The following MAPK10 variants were observed in gnomAD, a reference collection of about 807,000 sequenced individuals.
MAPK10 encodes JNK3 alpha protein kinase.
In MAPK10, 25 loss-of-function variants were observed where a neutral mutation model predicts 59.3. The observed-to-expected ratio is 0.42, with a 90% CI of 0.31 to 0.59. The LOEUF is 0.59. MAPK10 is among the 20% of genes least tolerant of loss of function. The pLI is 0.15. For missense variants in MAPK10, 351 were observed against 568.9 expected (o/e 0.62, Z 3.90); for synonymous variants, 190 against 200.5 (o/e 0.95, Z 0.44).
intron 9 of MAPK10, among the ~76,000 whole-genome samples, chr4:86,087,154 T>C (rs113764841): frequency 6.6e-6 from 1 of 152,176 alleles, no homozygotes; most frequent in African/African-American, 2.4e-5. Context: ...AAATGTTAAA[T>C]TGTATTTGGT....
chr4:86,075,876 G>C (rs931003280), intron 9 of MAPK10, among the ~76,000 whole-genome samples: 131 of 152,224 alleles, frequency 8.6e-4, no homozygotes, highest in African/African-American at 2.9e-3. Context: ...CCAGAGGTGG[G>C]GCCTACAGTG....
At chr4:86,578,576 C>A (rs777509497) in intron 1 of MAPK10, among the ~76,000 whole-genome samples, 1 of 152,098 alleles carries the variant, frequency 6.6e-6, no homozygotes, top group Non-Finnish European at 1.5e-5. Context: ...CTTAAAAGAC[C>A]TGAAGCACTA....
At chr4:86,338,463 T>C (rs1347603523) in intron 2 of MAPK10, among the ~76,000 whole-genome samples, 5 of 152,214 alleles carry the variant, frequency 3.3e-5, no homozygotes, top group Admixed American at 1.3e-4. Context: ...TTTGGGCTTC[T>C]TTCTTTGGAA....
chr4:86,442,905 T>G (rs1193829761), intron 1 of MAPK10, among the ~76,000 whole-genome samples: 1 of 152,064 alleles, frequency 6.6e-6, no homozygotes, highest in Non-Finnish European at 1.5e-5. Flanking sequence ...AGCTTAGAAG[T>G]CAAAAACACC....
chr4:86,357,983 G>A (rs1056805324), intron 1 of MAPK10: 9 of 655,428 alleles, frequency 1.4e-5, no homozygotes, highest in African/African-American at 2.0e-5. Flanking sequence ...CATTGTAGGG[G>A]AGAGAAAACC....
intron 1 of MAPK10, chr4:86,593,597 C>T (rs1007519027): frequency 6.6e-6 from 1 of 152,106 alleles, no homozygotes; most frequent in Non-Finnish European, 1.5e-5. Context: ...TTATTTTAGT[C>T]TCATAGATAA....
At chr4:86,187,859 G>A (rs1205742954) in intron 3 of MAPK10, among the ~76,000 whole-genome samples, 7 of 152,096 alleles carry the variant, frequency 4.6e-5, no homozygotes, top group Non-Finnish European at 7.4e-5. Context: ...ATGGTGGTTT[G>A]CTGCACCCAT....
chr4:86,394,411 C>T (rs948886574), intron 1 of MAPK10, among the ~76,000 whole-genome samples: 1 of 152,164 alleles, frequency 6.6e-6, no homozygotes, highest in African/African-American at 2.4e-5. Flanking sequence ...GAGACTATAT[C>T]ACCAAACTAC....
chr4:86,477,218 A>G (rs1199652138), intron 1 of MAPK10, among the ~76,000 whole-genome samples: 1 of 152,188 alleles, frequency 6.6e-6, no homozygotes, highest in African/African-American at 2.4e-5. Flanking sequence ...CCTTGCCTCC[A>G]TAACTGTCGT....
At chr4:86,534,926 G>C (rs939000512) in intron 1 of MAPK10, among the ~76,000 whole-genome samples, 2 of 151,788 alleles carry the variant, frequency 1.3e-5, no homozygotes, top group Non-Finnish European at 2.9e-5. Flanking sequence ...ACAAAAACAA[G>C]AAGAAGAAAA....
chr4:86,429,233 C>T (rs1564851772), intron 1 of MAPK10, among the ~76,000 whole-genome samples: 2 of 152,008 alleles, frequency 1.3e-5, no homozygotes, highest in Non-Finnish European at 2.9e-5. Context: ...CATTTGGTAT[C>T]GGAGATTTCG....
chr4:86,078,998 C>A (rs922169897), intron 9 of MAPK10, among the ~76,000 whole-genome samples: 2 of 151,436 alleles, frequency 1.3e-5, no homozygotes, highest in East Asian at 1.9e-4. Flanking sequence ...CCCCACCCCC[C>A]CAAAAAAAGA....
At chr4:86,194,033 G>A (rs1308595175) in intron 3 of MAPK10, 8 of 319,318 alleles carry the variant, frequency 2.5e-5, no homozygotes, top group Non-Finnish European at 4.1e-5. Flanking sequence ...TCCTGGGTGA[G>A]GCGACACCCC....
chr4:86,434,240 AAG>A (rs1748415548), intron 1 of MAPK10, among the ~76,000 whole-genome samples: 1 of 152,202 alleles, frequency 6.6e-6, no homozygotes, highest in African/African-American at 2.4e-5. Context: ...GGTCTGGGCA[AAG>A]AGTTTTTGTA....
intron 1 of MAPK10, among the ~76,000 whole-genome samples, chr4:86,415,735 C>A (rs930741146): frequency 6.6e-6 from 1 of 152,028 alleles, no homozygotes; most frequent in African/African-American, 2.4e-5. Flanking sequence ...ATTCAGGAGA[C>A]CAAGAAGAGT....
intron 1 of MAPK10, among the ~76,000 whole-genome samples, chr4:86,420,505 T>G (rs986449380): frequency 4.6e-5 from 7 of 152,164 alleles, no homozygotes; most frequent in African/African-American, 1.7e-4. Flanking sequence ...ACTCAATTTT[T>G]GGCTGGGCAT....
At chr4:86,245,987 A>T (rs905135605) in intron 2 of MAPK10, among the ~76,000 whole-genome samples, 2 of 152,218 alleles carry the variant, frequency 1.3e-5, no homozygotes, top group Non-Finnish European at 2.9e-5. Context: ...AAATAGGCAA[A>T]TAATGTTTCT....
chr4:86,182,700 C>T (rs1485695918), intron 3 of MAPK10, among the ~76,000 whole-genome samples: 1 of 151,968 alleles, frequency 6.6e-6, no homozygotes, highest in South Asian at 2.1e-4. Flanking sequence ...GTGAATGAGG[C>T]ACAGAGTTAT....
intron 9 of MAPK10, among the ~76,000 whole-genome samples, chr4:86,084,722 T>A (rs760067976): frequency 2.8e-4 from 40 of 144,650 alleles, no homozygotes; most frequent in Middle Eastern, 3.5e-3. Flanking sequence ...ATACGAATGG[T>A]GTTCTTCACA....
Sources: gnomAD v4.1 joint callset for allele counts (sites outside exome capture counted in the v4.1 genomes callset) on GRCh38, gnomAD v4.1.1 for gene constraint, MANE v1.5 for transcripts, NCBI Gene and HGNC (gene_info 2026-07-23, HGNC 2026-07-21) for gene names.